The following MAML3 variants were observed in gnomAD, a reference collection of about 807,000 sequenced individuals.
MAML3 encodes the protein mastermind like transcriptional coactivator 3, also known as mastermind-like protein 3.
A neutral mutation model predicts 101.9 loss-of-function variants in MAML3; 27 were observed. The ratio of observed to expected loss-of-function variants is 0.27; its 90% CI spans 0.20 to 0.37. The LOEUF (loss-of-function observed/expected upper bound fraction) is 0.37. Ranked by LOEUF, MAML3 falls within the 10% of genes least tolerant of loss-of-function variation. MAML3 has a pLI of 1.00. For synonymous variants in MAML3, 501 were observed against 555.9 expected (o/e 0.90, Z 1.39); for missense variants, 1,316 against 1,444.9 (o/e 0.91, Z 1.45).
chr4:140,009,577 T>C (rs1185893894), intron 1 of MAML3, among the ~76,000 whole-genome samples: 3 of 152,246 alleles, frequency 2.0e-5, no homozygotes, highest in Admixed American at 6.5e-5. Flanking sequence ...TAACATGCTA[T>C]AATAATATTT....
In MAML3 at chr4:140,078,252, A is replaced by G. The variant is rs551555839; in HGVS notation, c.468+74608T>C. ...AAAAGGCATCAGATGTTTTGGTTTT[A>G]AGAAAAAAAATCACCCTCTCCCATA... On this transcript the variant is annotated intron_variant, in intron 1 of 4. Transcript: ENST00000509479. Among the ~76,000 whole-genome samples, 9 of 148,722 alleles carry G rather than the reference A, an allele frequency of 6.1e-5. No individual in the cohort carries two copies. The East Asian group carries it at 1.6e-3, about 27-fold the overall frequency.
At chr4:139,933,670 CT>C (rs947339077) in intron 1 of MAML3, among the ~76,000 whole-genome samples, 3 of 152,206 alleles carry the variant, frequency 2.0e-5, no homozygotes, top group Non-Finnish European at 4.4e-5. Flanking sequence ...TGTCACACTC[CT>C]TTGATGTTCA....
At chr4:140,045,734 C>T (rs1335053760) in intron 1 of MAML3, among the ~76,000 whole-genome samples, 1 of 152,152 alleles carries the variant, frequency 6.6e-6, no homozygotes, top group Non-Finnish European at 1.5e-5. Flanking sequence ...TATGGCAACA[C>T]TCAAAGTAAA....
At chr4:139,855,450 A>G (rs1361749747) in intron 2 of MAML3, among the ~76,000 whole-genome samples, 1 of 152,132 alleles carries the variant, frequency 6.6e-6, no homozygotes, top group Non-Finnish European at 1.5e-5. Flanking sequence ...ACCTTTCTCT[A>G]TTTTTCCTCT....
intron 1 of MAML3, among the ~76,000 whole-genome samples, chr4:139,952,034 G>A (rs574783263): frequency 1.4e-4 from 21 of 152,184 alleles, no homozygotes; most frequent in South Asian, 4.1e-4. Context: ...GTGTAGCGGC[G>A]GGTGCCTGTG....
In MAML3 at chr4:139,735,972, C is replaced by T. The variant is rs910406920; in HGVS notation, c.2080-5305G>A. ...TCCAGCGGGCGCATTTCCCAGGCCC[C>T]GCCACATCGTGTGTGTTAGTGGCTG... On this transcript the variant is annotated intron_variant, in intron 2 of 4. Transcript: ENST00000509479. This position sits in a 1 kb window ranked among gnomAD's most constrained non-coding sequence, Gnocchi z 5.8. Among the ~76,000 whole-genome samples, 2 of 152,144 alleles carry T rather than the reference C, an allele frequency of 1.3e-5. No individual in the cohort carries two copies. The highest frequency in any genetic ancestry group is 4.8e-5 in the African/African-American group (2 of 41,442).
chr4:139,924,120 T>A (rs114640647), intron 1 of MAML3, among the ~76,000 whole-genome samples: 2,285 of 152,320 alleles, frequency 0.015, 32 homozygotes, highest in Non-Finnish European at 0.024. Flanking sequence ...TTCTTCAACC[T>A]ATTACTCTCT....
At chr4:139,911,924 C>T (rs111813897) in intron 1 of MAML3, among the ~76,000 whole-genome samples, 2,263 of 152,334 alleles carry the variant, frequency 0.015, 42 homozygotes, top group African/African-American at 0.051. Flanking sequence ...CCTGGAAAGA[C>T]TAAAACATAT....
chr4:140,086,620 C>T (rs896091545), intron 1 of MAML3, among the ~76,000 whole-genome samples: 7 of 152,116 alleles, frequency 4.6e-5, no homozygotes, highest in East Asian at 1.9e-4. Context: ...CAGACCCTCA[C>T]GAATATGGTG....
chr4:139,817,313 T>C (rs544588706), intron 2 of MAML3, among the ~76,000 whole-genome samples: 4 of 152,338 alleles, frequency 2.6e-5, no homozygotes, highest in African/African-American at 7.2e-5. Context: ...GGGGTCACCA[T>C]ATCTCCCCTT....
intron 1 of MAML3, among the ~76,000 whole-genome samples, chr4:139,970,034 G>A (rs1734207060): frequency 6.6e-6 from 1 of 152,152 alleles, no homozygotes; most frequent in Non-Finnish European, 1.5e-5. Flanking sequence ...TAACTACTGG[G>A]TATGAGGTCA....
chr4:139,821,052 G>C (rs552858333), intron 2 of MAML3, among the ~76,000 whole-genome samples: 1 of 152,174 alleles, frequency 6.6e-6, no homozygotes, highest in Admixed American at 6.5e-5. Flanking sequence ...AAAAACCATT[G>C]CCAAATTGAT....
intron 1 of MAML3, among the ~76,000 whole-genome samples, chr4:139,892,450 C>A (rs949259309): frequency 2.6e-5 from 4 of 152,074 alleles, no homozygotes; most frequent in African/African-American, 9.7e-5. Context: ...TGTTACTGTC[C>A]TTGGCCAGGA....
chr4:139,993,085 C>T (rs1734711704), intron 1 of MAML3, among the ~76,000 whole-genome samples: 1 of 152,166 alleles, frequency 6.6e-6, no homozygotes, highest in South Asian at 2.1e-4. Flanking sequence ...GGCACAGTGG[C>T]TTATGCCTGT....
intron 1 of MAML3, among the ~76,000 whole-genome samples, chr4:140,105,862 C>A (rs1728342005): frequency 6.6e-6 from 1 of 151,966 alleles, no homozygotes; most frequent in African/African-American, 2.4e-5. Context: ...GATGAAATAA[C>A]TAGGAGAAAA....
At chr4:140,056,810 C>CA (rs559141021) in intron 1 of MAML3, among the ~76,000 whole-genome samples, 3,692 of 127,382 alleles carry the variant, frequency 0.029, 127 homozygotes, top group African/African-American at 0.094. Context: ...GACTCTGTCT[C>CA]AAAAAAAAAA....
chr4:139,979,925 A>G (rs544014486), intron 1 of MAML3, among the ~76,000 whole-genome samples: 1 of 152,324 alleles, frequency 6.6e-6, no homozygotes, highest in South Asian at 2.1e-4. Flanking sequence ...AACAACTGCC[A>G]ATAGTAAGTA....
chr4:139,730,965 C>T (rs1728683574), intron 2 of MAML3: 2 of 395,350 alleles, frequency 5.1e-6, no homozygotes, highest in East Asian at 4.1e-5. Context: ...CAACTAACAT[C>T]CTGTGTTCCT....
intron 4 of MAML3, among the ~76,000 whole-genome samples, chr4:139,724,314 T>C (rs1372800787): frequency 6.6e-6 from 1 of 152,234 alleles, no homozygotes; most frequent in Non-Finnish European, 1.5e-5. Flanking sequence ...ATCTAGGATA[T>C]ATACATGTGG....
Sources: allele counts gnomAD v4.1 joint callset (sites outside exome capture counted in the v4.1 genomes callset), GRCh38; gene constraint gnomAD v4.1.1; non-coding constraint Gnocchi (gnomAD v3.1); transcripts MANE v1.5; gene names NCBI Gene and HGNC (gene_info 2026-07-23, HGNC 2026-07-21).